Variants in SHISAL2B observed in about 807,000 individuals in gnomAD.
The protein encoded by SHISAL2B is shisa like 2B, also known as protein shisa-like-2B.
Under a neutral mutation model 16.5 loss-of-function variants are expected in SHISAL2B, and 12 were observed. That is an observed-to-expected ratio of 0.73 (90% CI 0.47 to 1.18). SHISAL2B has a LOEUF of 1.18. SHISAL2B is among the 50% of genes most tolerant of loss of function. The pLI is 0.00. For missense variants in SHISAL2B, 183 were observed against 193.6 expected (o/e 0.95, Z 0.33); for synonymous variants, 72 against 75.0 (o/e 0.96, Z 0.21).
intron 2 of SHISAL2B, among the ~76,000 whole-genome samples, chr5:64,703,537 A>C (rs1741837818): frequency 6.6e-6 from 1 of 152,318 alleles, no homozygotes; most frequent in South Asian, 2.1e-4. Flanking sequence ...TCCTCAAGGC[A>C]CAGAGTCAGG....
At chr5:64,704,097 G>C (rs2112064642) in intron 2 of SHISAL2B, among the ~76,000 whole-genome samples, 1 of 152,310 alleles carries the variant, frequency 6.6e-6, no homozygotes, top group East Asian at 1.9e-4. Flanking sequence ...ACTCAGCTAG[G>C]TTAGTACGTG....
intron 2 of SHISAL2B, among the ~76,000 whole-genome samples, chr5:64,712,647 T>C (rs1446460870): frequency 6.6e-6 from 1 of 151,700 alleles, no homozygotes; most frequent in Non-Finnish European, 1.5e-5. Context: ...GGTGTTAAAG[T>C]CTCCCATTAT....
chr5:64,716,174 C>T (rs975113714), intron 2 of SHISAL2B, among the ~76,000 whole-genome samples: 8 of 152,156 alleles, frequency 5.3e-5, no homozygotes, highest in South Asian at 2.1e-4. Context: ...TTTATCTTTT[C>T]GGTCACTTTC....
In SHISAL2B at chr5:64,705,826, C is replaced by T. The variant is rs576975087; in HGVS notation, c.349+10162C>T. Among the ~76,000 whole-genome samples, 13 of 152,216 alleles carry T rather than the reference C, an allele frequency of 8.5e-5. No homozygotes were observed. The East Asian group carries it at 1.5e-3, about 18-fold the overall frequency. On this transcript the variant is annotated intron_variant, in intron 2 of 2. Transcript: ENST00000389074. The stretch of plus-strand genomic sequence containing the variant: ...CCAAGGTGGGTGGGGATACAGTCTG[C>T]TTTTATGTATTTTAAGGAGACATGA...
chr5:64,693,182 T>C (rs1741679059), intron 1 of SHISAL2B, among the ~76,000 whole-genome samples: 1 of 152,034 alleles, frequency 6.6e-6, no homozygotes, highest in Non-Finnish European at 1.5e-5. Context: ...TAATTTTTTG[T>C]ATTTTTAGTA....
intron 2 of SHISAL2B, among the ~76,000 whole-genome samples, chr5:64,714,369 G>C (rs1211055256): frequency 2.0e-5 from 3 of 146,570 alleles, no homozygotes; most frequent in African/African-American, 8.0e-5. Flanking sequence ...AGGGGTCAGG[G>C]ACCCACTTGA....
At chr5:64,695,729 G>A in intron 2 of SHISAL2B, 65 bp downstream of exon 2, 2 of 1,209,214 alleles carry the variant, frequency 1.7e-6, no homozygotes, top group Middle Eastern at 4.1e-4. Flanking sequence ...ACTTGTACCT[G>A]GGTGATAATA....
At position 64,696,730 on chromosome 5, in the gene SHISAL2B, G is replaced by A. The variant is rs569766439; in HGVS notation, c.349+1066G>A. On this transcript the variant is annotated intron_variant, in intron 2 of 2. Coordinates refer to ENST00000389074, the MANE Select transcript of SHISAL2B (RefSeq NM_001164442.2). ...ACCCTGGTGAATTTGAGGTCAGACCGGTTCTCTGCTCTCGAACCCTGTTTT... is the reference window on the plus strand; with the variant it reads ...ACCCTGGTGAATTTGAGGTCAGACCAGTTCTCTGCTCTCGAACCCTGTTTT... 5.3e-5 allele frequency among the ~76,000 whole-genome samples: 8 copies of A among 152,106 alleles called. No homozygotes were observed. In the East Asian group the frequency reaches 5.8e-4, roughly 11 times the overall value.
rs1487461008 is a variant in SHISAL2B, at chr5:64,714,557, G to A, written c.350-3332G>A. Among the ~76,000 whole-genome samples, 8 of 152,096 alleles carry A rather than the reference G, an allele frequency of 5.3e-5. No individual in the cohort carries two copies. The South Asian group carries it at 1.7e-3, about 32-fold the overall frequency. The stretch of plus-strand genomic sequence containing the variant: ...GGCAGGCAGGCCTCCTTGAGCTGTG[G>A]TGGGCTCCACCCAGTTCGAGCTTCC... On this transcript the variant is annotated intron_variant, in intron 2 of 2. Transcript: ENST00000389074.
chr5:64,707,651 A>G (rs1741892925), intron 2 of SHISAL2B, among the ~76,000 whole-genome samples: 1 of 152,228 alleles, frequency 6.6e-6, no homozygotes, highest in African/African-American at 2.4e-5. Flanking sequence ...TTCTGGAGAA[A>G]TCAGGCAGAG....
At chr5:64,715,552 C>T (rs1252000278) in intron 2 of SHISAL2B, among the ~76,000 whole-genome samples, 1 of 152,070 alleles carries the variant, frequency 6.6e-6, no homozygotes, top group Non-Finnish European at 1.5e-5. Flanking sequence ...ACTTGTGGGT[C>T]TCTGAACCAC....
intron 2 of SHISAL2B, among the ~76,000 whole-genome samples, chr5:64,717,237 G>T (rs1742069348): frequency 6.6e-6 from 1 of 152,170 alleles, no homozygotes; most frequent in Non-Finnish European, 1.5e-5. Flanking sequence ...TAATGTCTGT[G>T]ATTTCTTCCA....
chr5:64,698,828 A>G (rs1300260757), intron 2 of SHISAL2B, among the ~76,000 whole-genome samples: 3 of 152,204 alleles, frequency 2.0e-5, no homozygotes, highest in Non-Finnish European at 1.5e-5. Flanking sequence ...AATGAATTGA[A>G]TGGGGTAGCA....
chr5:64,709,644 A>C (rs1249692631), intron 2 of SHISAL2B, among the ~76,000 whole-genome samples: 2 of 150,284 alleles, frequency 1.3e-5, no homozygotes, highest in African/African-American at 2.5e-5. Flanking sequence ...ACTAGTTTAC[A>C]GTCCCACCAA....
At position 64,717,873 on chromosome 5, in the gene SHISAL2B, T is replaced by C; in HGVS notation, c.350-16T>C. The C allele has an allele frequency of 6.7e-7, 1 of 1,496,374 alleles. No homozygotes were observed. The highest frequency in any genetic ancestry group is 8.8e-7 in the Non-Finnish European group (1 of 1,136,912). 92.7% of individuals were successfully genotyped at this position (1,496,374 alleles called of 1,614,324 possible). On this transcript the variant is annotated splice_polypyrimidine_tract_variant and intron_variant, in intron 2 of 2. Coordinates refer to ENST00000389074, the MANE Select transcript of SHISAL2B (RefSeq NM_001164442.2). ...GTCATAATTTCAAATAATTATTTTG[T>C]TTTGTGTATCTGCAGGCAAGTCAAA...
At chr5:64,712,289 G>A (rs1180704334) in intron 2 of SHISAL2B, among the ~76,000 whole-genome samples, 5 of 151,826 alleles carry the variant, frequency 3.3e-5, no homozygotes, top group African/African-American at 4.8e-5. Context: ...CCTTCATTTC[G>A]TTATGTACCC....
intron 1 of SHISAL2B, chr5:64,694,289 A>G (rs1741697417): frequency 1.0e-5 from 3 of 301,506 alleles, no homozygotes; most frequent in South Asian, 5.8e-5. Context: ...ATAAGTGTGT[A>G]CAACACTACC....
intron 2 of SHISAL2B, among the ~76,000 whole-genome samples, chr5:64,713,078 C>A (rs1741982113): frequency 1.4e-5 from 2 of 147,576 alleles, no homozygotes. Context: ...TTGATCCTGT[C>A]ATTATGATGT....
chr5:64,712,459 C>G (rs1315792063), intron 2 of SHISAL2B, among the ~76,000 whole-genome samples: 6 of 151,600 alleles, frequency 4.0e-5, no homozygotes, highest in Non-Finnish European at 7.4e-5. Context: ...TTACTTCCAA[C>G]TATGTGGTCA....
Sources: gnomAD v4.1 joint callset for allele counts (sites outside exome capture counted in the v4.1 genomes callset) on GRCh38, gnomAD v4.1.1 for gene constraint, MANE v1.5 for transcripts, NCBI Gene and HGNC (gene_info 2026-07-23, HGNC 2026-07-21) for gene names.